Variants in FBXL17 observed in about 807,000 individuals in gnomAD.
The protein encoded by FBXL17 is F-box and leucine rich repeat protein 17, also known as F-box/LRR-repeat protein 17.
Under a neutral mutation model 66.2 loss-of-function variants are expected in FBXL17, and 22 were observed. That is an observed-to-expected ratio of 0.33 (90% CI 0.24 to 0.47). The LOEUF (loss-of-function observed/expected upper bound fraction) is 0.47, where lower values mean the gene tolerates loss of function less well. Ranked by LOEUF, FBXL17 falls within the 20% of genes least tolerant of loss-of-function variation. The probability of loss-of-function intolerance (pLI) is 1.00; values close to 1 mark genes in which losing one functional copy is unlikely to be tolerated. For synonymous variants in FBXL17, 474 were observed against 400.5 expected (o/e 1.18, Z -2.19); for missense variants, 878 against 948.2 (o/e 0.93, Z 0.97).
rs1345395715 is a variant in FBXL17, at chr5:108,349,409, T to A, written c.1375-879A>T. On this transcript the variant is annotated intron_variant, in intron 3 of 8. Transcript: ENST00000542267. ...GCCTATGAATCTTCTCTAATTTTTT[T>A]AATAAACATTGCTTTTGTAAGAAAA... is the stretch of plus-strand genomic sequence containing the variant. 2.6e-5 allele frequency among the ~76,000 whole-genome samples: 4 copies of A among 152,296 alleles called. 1 individual carries two copies. Among genetic ancestry groups the A allele is most frequent in the Admixed American group, 2.6e-4 (4 of 15,290 alleles).
intron 6 of FBXL17, among the ~76,000 whole-genome samples, chr5:108,049,289 C>A (rs184480146): frequency 7.9e-5 from 12 of 151,900 alleles, no homozygotes; most frequent in Non-Finnish European, 1.8e-4. Context: ...ATTACAGGCA[C>A]CCACCACCAC....
chr5:108,008,704 G>A (rs191679451), intron 7 of FBXL17, among the ~76,000 whole-genome samples: 70 of 152,030 alleles, frequency 4.6e-4, no homozygotes, highest in Middle Eastern at 6.8e-3. Context: ...TTCTGGATGC[G>A]CGCAGCTTGG....
At chr5:108,255,529 C>A (rs1019437259) in intron 4 of FBXL17, among the ~76,000 whole-genome samples, 2 of 152,102 alleles carry the variant, frequency 1.3e-5, no homozygotes, top group Non-Finnish European at 2.9e-5. Flanking sequence ...CATCAATAGG[C>A]TTTCCTGGTT....
In FBXL17 at chr5:108,331,229, T is replaced by C. The variant is rs539866973; in HGVS notation, c.1506+17170A>G. Among the ~76,000 whole-genome samples the C allele has an allele frequency of 2.6e-5, 4 of 152,324 alleles. No homozygotes were observed. In the East Asian group the frequency reaches 5.8e-4, roughly 22 times the overall value. ...CATTAACCATTCTAAGTACCGACTA[T>C]TCTTAGTTACAACCAACCACATTTC... is the stretch of plus-strand genomic sequence containing the variant. On this transcript the variant is annotated intron_variant, in intron 4 of 8. Transcript: ENST00000542267.
At chr5:108,369,886 C>G (rs1189100000) in intron 1 of FBXL17, among the ~76,000 whole-genome samples, 3 of 151,956 alleles carry the variant, frequency 2.0e-5, no homozygotes, top group Non-Finnish European at 4.4e-5. Context: ...ACAAATGTGA[C>G]CTATACATTT....
intron 6 of FBXL17, among the ~76,000 whole-genome samples, chr5:108,034,360 A>C (rs1746759220): frequency 6.6e-6 from 1 of 152,194 alleles, no homozygotes; most frequent in Admixed American, 6.5e-5. Flanking sequence ...GACCTTACAT[A>C]ATGTTGTAAC....
At chr5:108,269,641 C>T (rs1757185452) in intron 4 of FBXL17, among the ~76,000 whole-genome samples, 1 of 151,910 alleles carries the variant, frequency 6.6e-6, no homozygotes, top group Non-Finnish European at 1.5e-5. Flanking sequence ...TACTGGATCT[C>T]CTCCCTCACC....
chr5:108,014,143 G>A (rs901936557), intron 7 of FBXL17, among the ~76,000 whole-genome samples: 3 of 151,988 alleles, frequency 2.0e-5, no homozygotes, highest in African/African-American at 7.3e-5. Context: ...TATGATTTGG[G>A]ACTAATTTCC....
intron 6 of FBXL17, among the ~76,000 whole-genome samples, chr5:108,165,498 T>A (rs902376847): frequency 6.6e-6 from 1 of 152,108 alleles, no homozygotes. Context: ...TTCTAGACCA[T>A]GAAAGAAAAC....
intron 4 of FBXL17, among the ~76,000 whole-genome samples, chr5:108,284,645 A>G (rs539633081): frequency 1.3e-5 from 2 of 152,032 alleles, no homozygotes; most frequent in African/African-American, 2.4e-5. Flanking sequence ...CCCTGACTTT[A>G]CTACTGTCCA....
chr5:107,972,363 T>A (rs1480701278), intron 7 of FBXL17, among the ~76,000 whole-genome samples: 1 of 152,238 alleles, frequency 6.6e-6, no homozygotes, highest in Non-Finnish European at 1.5e-5. Context: ...AGGGTAGAAC[T>A]GTTAGATTTC....
intron 7 of FBXL17, among the ~76,000 whole-genome samples, chr5:107,900,312 A>C (rs755562312): frequency 1.1e-4 from 16 of 152,184 alleles, no homozygotes; most frequent in Non-Finnish European, 2.2e-4. Context: ...TATATGTAAT[A>C]GTGATTACAT....
At chr5:107,899,933 T>C (rs530793110) in intron 7 of FBXL17, among the ~76,000 whole-genome samples, 39 of 152,270 alleles carry the variant, frequency 2.6e-4, no homozygotes, top group South Asian at 6.2e-4. Context: ...TCTGTACTTG[T>C]ACCCCCTAAA....
chr5:108,205,073 C>G (rs1561463314), intron 5 of FBXL17, among the ~76,000 whole-genome samples: 1 of 136,010 alleles, frequency 7.4e-6, no homozygotes, highest in Non-Finnish European at 1.6e-5. Context: ...CCATGCCCAG[C>G]TAATTTCTAA....
intron 4 of FBXL17, among the ~76,000 whole-genome samples, chr5:108,289,588 G>T (rs1758029567): frequency 6.6e-6 from 1 of 152,118 alleles, no homozygotes; most frequent in Non-Finnish European, 1.5e-5. Flanking sequence ...AAAATGCATG[G>T]TGTCTATGCT....
At chr5:107,899,743 A>C (rs749941155) in intron 7 of FBXL17, among the ~76,000 whole-genome samples, 19 of 152,216 alleles carry the variant, frequency 1.2e-4, no homozygotes, top group Non-Finnish European at 2.6e-4. Context: ...GTATACATCT[A>C]GATGTACTTT....
At chr5:107,954,919 A>G (rs1580244014) in intron 7 of FBXL17, among the ~76,000 whole-genome samples, 1 of 152,196 alleles carries the variant, frequency 6.6e-6, no homozygotes, top group Admixed American at 6.5e-5. Context: ...ACATGCTCAT[A>G]AAGCCAGAGA....
intron 4 of FBXL17, among the ~76,000 whole-genome samples, chr5:108,237,512 A>G (rs1055238218): frequency 2.6e-5 from 4 of 152,334 alleles, no homozygotes; most frequent in African/African-American, 9.6e-5. Context: ...GTGACTTTAT[A>G]CTGAAGGAGT....
At position 108,298,880 on chromosome 5, in the gene FBXL17, A is replaced by T. The variant is rs1352716040; in HGVS notation, c.1506+49519T>A. 3 of 930,314 alleles carry T rather than the reference A, an allele frequency of 3.2e-6. No homozygotes were observed. In the East Asian group the frequency reaches 3.5e-4, roughly 109 times the overall value. The allele number at this position is 930,314 out of a possible 1,614,324, so 57.6% of individuals were successfully genotyped here. On this transcript the variant is annotated intron_variant, in intron 4 of 8. Coordinates refer to ENST00000542267, the MANE Select transcript of FBXL17 (RefSeq NM_001163315.3). ...ATATATTTATTCTTGCAGTTTTTAA[A>T]ATGAGCCTTTTTTCCATATCCACAT...
Sources: gnomAD v4.1 joint callset for allele counts (sites outside exome capture counted in the v4.1 genomes callset) on GRCh38, gnomAD v4.1.1 for gene constraint, MANE v1.5 for transcripts, NCBI Gene and HGNC (gene_info 2026-07-23, HGNC 2026-07-21) for gene names.